Variants in MALRD1 observed in about 807,000 individuals in gnomAD.
MALRD1 encodes MAM and LDL-receptor class A domain-containing protein 1.
MALRD1 carries 247 observed loss-of-function variants against 242.1 expected under a neutral mutation model. That is an observed-to-expected ratio of 1.02 (90% CI 0.92 to 1.13). The LOEUF (loss-of-function observed/expected upper bound fraction) is 1.13. Among genes scored for constraint, MALRD1 ranks in the 50% most tolerant of loss-of-function variants. The probability of loss-of-function intolerance (pLI) is 0.00; values close to 1 mark genes in which losing one functional copy is unlikely to be tolerated. For missense variants in MALRD1, 2,989 were observed against 2,533.1 expected, an observed-to-expected ratio of 1.18 and a Z score of -3.86; for synonymous variants, 995 against 866.6, an observed-to-expected ratio of 1.15 and a Z score of -2.60.
intron 2 of MALRD1, among the ~76,000 whole-genome samples, chr10:19,073,316 T>C (rs1407869350): frequency 6.6e-6 from 1 of 152,150 alleles, no homozygotes; most frequent in African/African-American, 2.4e-5. Context: ...GATTTATATA[T>C]GCTGATTATT....
intron 4 of MALRD1, among the ~76,000 whole-genome samples, chr10:19,099,963 G>A (rs1359321562): frequency 1.3e-5 from 2 of 152,060 alleles, no homozygotes; most frequent in African/African-American, 4.8e-5. Context: ...GTTTCGCCAT[G>A]TTGGCCAGGT....
Position 19,331,366 on chromosome 10 carries a change from T to A in MALRD1, c.3688-3T>A. 1 of 1,549,246 alleles carries A rather than the reference T, an allele frequency of 6.5e-7. No homozygotes were observed. The highest frequency in any genetic ancestry group is 8.7e-7 in the Non-Finnish European group (1 of 1,146,114). ...TTTAACTGTAACTGGCTTTTTTTTT[T>A]AGATTGTCTTCAGAGCCAAACGTGG... is the stretch of plus-strand genomic sequence containing the variant. On this transcript the variant is annotated splice_region_variant and splice_polypyrimidine_tract_variant and intron_variant, in intron 23 of 39. Transcript: ENST00000454679.
At chr10:19,554,650 T>C (rs1389763651) in intron 32 of MALRD1, among the ~76,000 whole-genome samples, 2 of 152,114 alleles carry the variant, frequency 1.3e-5, no homozygotes, top group African/African-American at 4.8e-5. Context: ...AGTGTTTGGT[T>C]TTCTGTTCCT....
At chr10:19,627,800 A>AAAAT (rs1554816693) in intron 36 of MALRD1, among the ~76,000 whole-genome samples, 2 of 150,176 alleles carry the variant, frequency 1.3e-5, no homozygotes, top group Admixed American at 6.6e-5. Flanking sequence ...AGAAAAAACA[A>AAAAT]TAATAGGCCA....
At chr10:19,621,774 A>G (rs576278030) in intron 36 of MALRD1, among the ~76,000 whole-genome samples, 1 of 151,978 alleles carries the variant, frequency 6.6e-6, no homozygotes, top group East Asian at 1.9e-4. Context: ...ACTCTAATGT[A>G]TATCGTGGTA....
At chr10:19,231,521 A>G (rs756357) in intron 18 of MALRD1, among the ~76,000 whole-genome samples, 58,175 of 151,932 alleles carry the variant, frequency 0.38, 12,318 homozygotes, top group South Asian at 0.65. Flanking sequence ...TCAGGTGGAG[A>G]TAATTGAATC....
intron 26 of MALRD1, among the ~76,000 whole-genome samples, chr10:19,383,196 C>T (rs527738363): frequency 1.2e-4 from 18 of 152,202 alleles, no homozygotes; most frequent in African/African-American, 4.1e-4. Context: ...GATCTGCAGT[C>T]CTCTCCCATC....
chr10:19,349,608 T>C (rs1844284265), intron 25 of MALRD1, among the ~76,000 whole-genome samples: 1 of 152,194 alleles, frequency 6.6e-6, no homozygotes, highest in Admixed American at 6.5e-5. Context: ...AGTTTTTATC[T>C]GTTTTTGCTG....
At chr10:19,468,508 A>G (rs1414097750) in intron 29 of MALRD1, among the ~76,000 whole-genome samples, 1 of 152,072 alleles carries the variant, frequency 6.6e-6, no homozygotes, top group Non-Finnish European at 1.5e-5. Context: ...TTTTTCCTAG[A>G]TACATTTTCA....
intron 32 of MALRD1, among the ~76,000 whole-genome samples, chr10:19,558,584 C>T (rs1835825173): frequency 6.6e-6 from 1 of 152,118 alleles, no homozygotes. Context: ...GGAATAAATC[C>T]TACCAGATCA....
chr10:19,155,004 A>T, intron 11 of MALRD1, 71 bp from the exon 12 acceptor site: 1 of 817,884 alleles, frequency 1.2e-6, no homozygotes, highest in Non-Finnish European at 1.6e-6. Context: ...CAAGGATAAG[A>T]TTGTGGAGCA....
chr10:19,719,201 T>TATACACACAC (rs1170497771), intron 38 of MALRD1, among the ~76,000 whole-genome samples: 2 of 95,900 alleles, frequency 2.1e-5, no homozygotes, highest in African/African-American at 1.0e-4. Context: ...CATACATATA[T>TATACACACAC]ATATATATAT....
chr10:19,585,915 T>G (rs950186988), intron 33 of MALRD1, among the ~76,000 whole-genome samples: 2 of 152,196 alleles, frequency 1.3e-5, no homozygotes, highest in African/African-American at 4.8e-5. Flanking sequence ...CTTGGAGGCT[T>G]TGCTCGTTTC....
At chr10:19,558,958 C>A (rs1396219385) in intron 32 of MALRD1, among the ~76,000 whole-genome samples, 2 of 151,698 alleles carry the variant, frequency 1.3e-5, no homozygotes. Flanking sequence ...CTGAGGTGGG[C>A]AGATCACTTG....
chr10:19,495,714 C>T (rs1214846474), intron 30 of MALRD1, among the ~76,000 whole-genome samples: 1 of 152,116 alleles, frequency 6.6e-6, no homozygotes, highest in African/African-American at 2.4e-5. Flanking sequence ...GGATTAAATC[C>T]ATGCATTGTC....
At chr10:19,216,117 TTC>T (rs774260735) in intron 18 of MALRD1, among the ~76,000 whole-genome samples, 2,079 of 102,040 alleles carry the variant, frequency 0.02, 116 homozygotes, top group Admixed American at 0.15. Flanking sequence ...CTTTCTTTCT[TTC>T]TTTTTTTTTT....
intron 28 of MALRD1, among the ~76,000 whole-genome samples, chr10:19,391,428 T>C (rs1846332138): frequency 6.6e-6 from 1 of 152,228 alleles, no homozygotes; most frequent in Non-Finnish European, 1.5e-5. Context: ...TGTGGAATCA[T>C]GCTAGATTTT....
chr10:19,384,939 C>T (rs1032935712), intron 26 of MALRD1, among the ~76,000 whole-genome samples: 11 of 151,146 alleles, frequency 7.3e-5, no homozygotes, highest in Non-Finnish European at 1.5e-4. Flanking sequence ...ATGTAAATTC[C>T]TTCTATGTAT....
At chr10:19,207,794 G>A (rs1013177502) in intron 17 of MALRD1, among the ~76,000 whole-genome samples, 3 of 152,096 alleles carry the variant, frequency 2.0e-5, no homozygotes, top group Non-Finnish European at 4.4e-5. Flanking sequence ...GAGCCACTGC[G>A]CCCAGCCTGA....
Sources: gnomAD v4.1 joint callset for allele counts (sites outside exome capture counted in the v4.1 genomes callset) on GRCh38, gnomAD v4.1.1 for gene constraint, MANE v1.5 for transcripts, NCBI Gene and HGNC (gene_info 2026-07-23, HGNC 2026-07-21) for gene names.